Variants in GAP43 observed in about 807,000 individuals in gnomAD.
GAP43 encodes the protein growth associated protein 43, also known as neuromodulin.
A neutral mutation model predicts 18.6 loss-of-function variants in GAP43; 6 were observed. That is an observed-to-expected ratio of 0.32 (90% CI 0.18 to 0.64). The LOEUF (loss-of-function observed/expected upper bound fraction) is 0.64, where lower values mean the gene tolerates loss of function less well. GAP43 is among the 30% of genes least tolerant of loss of function. The pLI, the probability that GAP43 is intolerant of heterozygous loss-of-function variation, is 0.78. For synonymous variants in GAP43, 115 were observed against 111.4 expected, an observed-to-expected ratio of 1.03 and a Z score of -0.20; for missense variants, 292 against 295.5, an observed-to-expected ratio of 0.99 and a Z score of 0.09.
chr3:115,633,363 G>A (rs1304019714), intron 1 of GAP43, among the ~76,000 whole-genome samples: 1 of 152,122 alleles, frequency 6.6e-6, no homozygotes, highest in Non-Finnish European at 1.5e-5. Context: ...ACATAGGTTA[G>A]AGACAATTTT....
intron 1 of GAP43, among the ~76,000 whole-genome samples, chr3:115,625,055 T>G: frequency 6.7e-6 from 1 of 149,928 alleles, no homozygotes; most frequent in Non-Finnish European, 1.5e-5. Flanking sequence ...CCGAAGGGGG[T>G]GGAAGAGAGT....
At chr3:115,704,473 C>A (rs1005884765) in intron 2 of GAP43, among the ~76,000 whole-genome samples, 1 of 152,002 alleles carries the variant, frequency 6.6e-6, no homozygotes. Flanking sequence ...CATAAAATAT[C>A]CACTTCACCT....
intron 2 of GAP43, among the ~76,000 whole-genome samples, chr3:115,720,304 A>G (rs1709559865): frequency 6.6e-6 from 1 of 152,144 alleles, no homozygotes; most frequent in Non-Finnish European, 1.5e-5. Context: ...TTTCTATATA[A>G]TTGACTAGCA....
intron 1 of GAP43, among the ~76,000 whole-genome samples, chr3:115,672,672 G>A (rs1708825614): frequency 6.6e-6 from 1 of 151,144 alleles, no homozygotes; most frequent in African/African-American, 2.4e-5. Flanking sequence ...TTCTTAGCCT[G>A]GTTTATTTCC....
chr3:115,719,672 A>G (rs1362506975), intron 2 of GAP43, among the ~76,000 whole-genome samples: 1 of 152,216 alleles, frequency 6.6e-6, no homozygotes, highest in Non-Finnish European at 1.5e-5. Flanking sequence ...AACTTTGCCC[A>G]TGCGCAACTT....
intron 1 of GAP43, among the ~76,000 whole-genome samples, chr3:115,632,257 G>T (rs936727914): frequency 5.3e-5 from 8 of 152,040 alleles, no homozygotes; most frequent in Non-Finnish European, 2.9e-5. Flanking sequence ...TCAGGCAGAA[G>T]AGTGGAGAGA....
intron 2 of GAP43, among the ~76,000 whole-genome samples, chr3:115,690,519 A>G (rs911049818): frequency 1.3e-5 from 2 of 152,152 alleles, no homozygotes; most frequent in African/African-American, 4.8e-5. Context: ...AATGATTTGT[A>G]TAACCTTCAG....
intron 2 of GAP43, among the ~76,000 whole-genome samples, chr3:115,704,529 C>T (rs2107370505): frequency 6.6e-6 from 1 of 152,210 alleles, no homozygotes; most frequent in East Asian, 1.9e-4. Flanking sequence ...AAACAGTAAT[C>T]CTCAGCCATG....
At chr3:115,711,230 ATGTG>A (rs368758567) in intron 2 of GAP43, among the ~76,000 whole-genome samples, 1 of 151,724 alleles carries the variant, frequency 6.6e-6, no homozygotes, top group African/African-American at 2.4e-5. Flanking sequence ...TCACGGTCAT[ATGTG>A]TGTGTGTGTG....
At chr3:115,680,909 C>T (rs59707551) in intron 2 of GAP43, among the ~76,000 whole-genome samples, 2 of 152,244 alleles carry the variant, frequency 1.3e-5, no homozygotes, top group East Asian at 3.9e-4. Context: ...AAGATAGGTC[C>T]ACTTCTACCA....
chr3:115,671,573 A>C (rs1357619630), intron 1 of GAP43, among the ~76,000 whole-genome samples: 1 of 152,190 alleles, frequency 6.6e-6, no homozygotes, highest in East Asian at 1.9e-4. Context: ...TTCCTGAAAA[A>C]CTTATGGTAA....
intron 1 of GAP43, among the ~76,000 whole-genome samples, chr3:115,637,283 G>A (rs1708341307): frequency 6.6e-6 from 1 of 152,024 alleles, no homozygotes; most frequent in African/African-American, 2.4e-5. Flanking sequence ...ATCCAGTACA[G>A]TGCATGACTC....
At chr3:115,688,950 G>A (rs1287809013) in intron 2 of GAP43, among the ~76,000 whole-genome samples, 3 of 152,216 alleles carry the variant, frequency 2.0e-5, no homozygotes, top group Non-Finnish European at 4.4e-5. Context: ...TTAGCTTTCT[G>A]ATCAGATGTC....
intron 2 of GAP43, among the ~76,000 whole-genome samples, chr3:115,702,942 A>C (rs956812071): frequency 1.3e-5 from 2 of 150,700 alleles, no homozygotes; most frequent in Non-Finnish European, 2.9e-5. Flanking sequence ...TCATATGGAG[A>C]AGAGTGTTCT....
At chr3:115,642,800 TA>T (rs1708413084) in intron 1 of GAP43, among the ~76,000 whole-genome samples, 1 of 152,138 alleles carries the variant, frequency 6.6e-6, no homozygotes, top group Admixed American at 6.6e-5. Flanking sequence ...CTGTTGTTGA[TA>T]ATGATATTTT....
At chr3:115,684,522 G>A (rs192652130) in intron 2 of GAP43, among the ~76,000 whole-genome samples, 1 of 152,256 alleles carries the variant, frequency 6.6e-6, no homozygotes, top group African/African-American at 2.4e-5. Context: ...TAGGGAAAGG[G>A]CTGCCCAAGA....
At chr3:115,668,841 C>T (rs1044025868) in intron 1 of GAP43, among the ~76,000 whole-genome samples, 1 of 152,000 alleles carries the variant, frequency 6.6e-6, no homozygotes, top group Non-Finnish European at 1.5e-5. Context: ...GAGTTTGAGA[C>T]CAGCCTGGGT....
chr3:115,706,383 A>G (rs2918212), intron 2 of GAP43, among the ~76,000 whole-genome samples: 82,659 of 151,964 alleles, frequency 0.54, 23,192 homozygotes, highest in East Asian at 0.73. Flanking sequence ...TGGATGCAAG[A>G]TTTACTACCC....
At chr3:115,649,020 C>G (rs1708493054) in intron 1 of GAP43, among the ~76,000 whole-genome samples, 1 of 152,104 alleles carries the variant, frequency 6.6e-6, no homozygotes, top group Non-Finnish European at 1.5e-5. Flanking sequence ...AGAAGAAATA[C>G]AGATAACTGG....
Sources: gnomAD v4.1 joint callset for allele counts (sites outside exome capture counted in the v4.1 genomes callset) on GRCh38, gnomAD v4.1.1 for gene constraint, MANE v1.5 for transcripts, NCBI Gene and HGNC (gene_info 2026-07-23, HGNC 2026-07-21) for gene names.